PIP4K2A: variants seen among roughly 807,000 people sequenced by gnomAD.
The protein encoded by PIP4K2A is phosphatidylinositol 5-phosphate 4-kinase type-2 alpha.
In PIP4K2A, 14 loss-of-function variants were observed where a neutral mutation model predicts 42.9. The ratio of observed to expected loss-of-function variants is 0.33; its 90% CI spans 0.22 to 0.51. The LOEUF (loss-of-function observed/expected upper bound fraction) is 0.51, where lower values mean the gene tolerates loss of function less well. Among genes scored for constraint, PIP4K2A ranks in the 20% least tolerant of loss-of-function variants. The pLI is 0.97. For synonymous variants in PIP4K2A, 192 were observed against 192.2 expected (o/e 1.00, Z 0.01); for missense variants, 434 against 519.8 (o/e 0.83, Z 1.61).
intron 4 of PIP4K2A, among the ~76,000 whole-genome samples, chr10:22,589,270 G>A (rs113929543): frequency 3.2e-3 from 494 of 152,114 alleles, no homozygotes; most frequent in Non-Finnish European, 5.7e-3. Flanking sequence ...TTCCAGAGGG[G>A]AAAAAATGAA....
chr10:22,606,718 G>A (rs1837915160), intron 3 of PIP4K2A, among the ~76,000 whole-genome samples: 1 of 152,164 alleles, frequency 6.6e-6, no homozygotes, highest in Non-Finnish European at 1.5e-5. Context: ...TAGTCACCCA[G>A]GGTGGCAATA....
chr10:22,632,985 C>T (rs1416954462), intron 1 of PIP4K2A, among the ~76,000 whole-genome samples: 4 of 152,142 alleles, frequency 2.6e-5, no homozygotes, highest in Non-Finnish European at 5.9e-5. Context: ...ATCACTAAGG[C>T]TAACTTTTAT....
chr10:22,700,401 T>C (rs1249698196), intron 1 of PIP4K2A, among the ~76,000 whole-genome samples: 1 of 152,204 alleles, frequency 6.6e-6, no homozygotes, highest in Non-Finnish European at 1.5e-5. Context: ...CCCACTTTCT[T>C]TTCTTCTGTC....
At chr10:22,621,952 A>C (rs1838340573) in intron 1 of PIP4K2A, among the ~76,000 whole-genome samples, 1 of 152,188 alleles carries the variant, frequency 6.6e-6, no homozygotes, top group Non-Finnish European at 1.5e-5. Context: ...CAATGAGAGG[A>C]AGGGTACCAT....
At chr10:22,556,002 G>A (rs1354191188) in intron 6 of PIP4K2A, among the ~76,000 whole-genome samples, 1 of 152,092 alleles carries the variant, frequency 6.6e-6, no homozygotes, top group Non-Finnish European at 1.5e-5. Flanking sequence ...TGCAGCCCGT[G>A]AGCGACAAGC....
chr10:22,628,617 C>T (rs1838492839), intron 1 of PIP4K2A, among the ~76,000 whole-genome samples: 1 of 152,166 alleles, frequency 6.6e-6, no homozygotes, highest in African/African-American at 2.4e-5. Context: ...CATGAGATAT[C>T]AGATACACGT....
At chr10:22,652,225 C>T (rs904552022) in intron 1 of PIP4K2A, among the ~76,000 whole-genome samples, 2 of 152,072 alleles carry the variant, frequency 1.3e-5, no homozygotes, top group African/African-American at 4.8e-5. Context: ...TCAAGCCAAG[C>T]GATTCTCCTG....
chr10:22,676,494 G>T (rs1437949080), intron 1 of PIP4K2A, among the ~76,000 whole-genome samples: 1 of 152,044 alleles, frequency 6.6e-6, no homozygotes, highest in South Asian at 2.1e-4. Flanking sequence ...ATCAAGAGGG[G>T]CATTCTAAAA....
rs140560734 is a variant in PIP4K2A, at chr10:22,592,671, G to A, written c.340-890C>T. Among the ~76,000 whole-genome samples, 610 of 152,204 alleles carry A rather than the reference G, an allele frequency of 4.0e-3. 5 individuals carry two copies. The highest frequency in any genetic ancestry group is 0.014 in the African/African-American group (562 of 41,520). On this transcript the variant is annotated intron_variant, in intron 3 of 9. Transcript: ENST00000376573. ...CCTTCTCCTCCCATGTGACTCTTCC[G>A]TTCAGATCTCCTCTTTCTTACATCC...
chr10:22,623,611 G>A (rs1214256603), intron 1 of PIP4K2A, among the ~76,000 whole-genome samples: 1 of 152,186 alleles, frequency 6.6e-6, no homozygotes, highest in Non-Finnish European at 1.5e-5. Flanking sequence ...GTTGGCGGTT[G>A]GCAGGGGACG....
At chr10:22,615,844 C>G (rs1838166181) in intron 1 of PIP4K2A, among the ~76,000 whole-genome samples, 1 of 152,216 alleles carries the variant, frequency 6.6e-6, no homozygotes, top group African/African-American at 2.4e-5. Context: ...GTCACACTCA[C>G]AGGCCTGTAA....
chr10:22,671,006 A>G (rs1408508362), intron 1 of PIP4K2A, among the ~76,000 whole-genome samples: 1 of 152,184 alleles, frequency 6.6e-6, no homozygotes, highest in African/African-American at 2.4e-5. Flanking sequence ...GCATCCAGTA[A>G]CTACTGGCTA....
chr10:22,565,811 G>A (rs564705739), intron 6 of PIP4K2A, among the ~76,000 whole-genome samples: 5 of 138,810 alleles, frequency 3.6e-5, no homozygotes, highest in African/African-American at 1.3e-4. Flanking sequence ...AAGAGAATAC[G>A]CGCCTGGAGA....
At chr10:22,642,104 C>T (rs1466750317) in intron 1 of PIP4K2A, 1 of 152,326 alleles carries the variant, frequency 6.6e-6, no homozygotes, top group Non-Finnish European at 1.5e-5. Context: ...AGGTGAGAAA[C>T]AGAGAGGTCC....
At chr10:22,660,470 C>T (rs1168020644) in intron 1 of PIP4K2A, among the ~76,000 whole-genome samples, 1 of 151,198 alleles carries the variant, frequency 6.6e-6, no homozygotes, top group Non-Finnish European at 1.5e-5. Flanking sequence ...GACTCCATCT[C>T]AAAAAAATAA....
chr10:22,592,237 T>A (rs1241569163), intron 3 of PIP4K2A, among the ~76,000 whole-genome samples: 2 of 152,184 alleles, frequency 1.3e-5, no homozygotes, highest in South Asian at 2.1e-4. Flanking sequence ...ATGGTTACGA[T>A]TGCTATCATC....
At chr10:22,683,955 C>T (rs1429098018) in intron 1 of PIP4K2A, among the ~76,000 whole-genome samples, 1 of 152,004 alleles carries the variant, frequency 6.6e-6, no homozygotes, top group Non-Finnish European at 1.5e-5. Flanking sequence ...CCGGAACGTT[C>T]CTGGCTACAA....
At chr10:22,604,339 C>G (rs1837859046) in intron 3 of PIP4K2A, among the ~76,000 whole-genome samples, 1 of 152,042 alleles carries the variant, frequency 6.6e-6, no homozygotes, top group Non-Finnish European at 1.5e-5. Context: ...GTGGTCTCCA[C>G]AGACCAATAC....
chr10:22,619,401 C>T (rs911308248), intron 1 of PIP4K2A, among the ~76,000 whole-genome samples: 1 of 151,566 alleles, frequency 6.6e-6, no homozygotes, highest in African/African-American at 2.4e-5. Context: ...CAATTTTCTA[C>T]AGCTGCTTCA....
Sources: gnomAD v4.1 joint callset for allele counts (sites outside exome capture counted in the v4.1 genomes callset) on GRCh38, gnomAD v4.1.1 for gene constraint, MANE v1.5 for transcripts, NCBI Gene and HGNC (gene_info 2026-07-23, HGNC 2026-07-21) for gene names.